Variants in ZSWIM5 observed in about 807,000 individuals in gnomAD.
ZSWIM5 encodes the protein zinc finger SWIM domain-containing protein 5.
In ZSWIM5, 55 loss-of-function variants were observed where a neutral mutation model predicts 119.6. The observed-to-expected ratio is 0.46, with a 90% CI of 0.37 to 0.58. ZSWIM5 has a LOEUF of 0.58. Among genes scored for constraint, ZSWIM5 ranks in the 20% least tolerant of loss-of-function variants. The probability of loss-of-function intolerance (pLI) is 0.00; values close to 1 mark genes in which losing one functional copy is unlikely to be tolerated. For synonymous variants in ZSWIM5, 537 were observed against 606.9 expected, an observed-to-expected ratio of 0.88 and a Z score of 1.69; for missense variants, 1,193 against 1,512.8, an observed-to-expected ratio of 0.79 and a Z score of 3.51.
chr1:45,177,681 G>A (rs533237709), intron 1 of ZSWIM5, among the ~76,000 whole-genome samples: 6 of 152,136 alleles, frequency 3.9e-5, no homozygotes, highest in Admixed American at 3.3e-4. Context: ...ACATCCTTAT[G>A]TTGCCTTACC....
At chr1:45,140,504 TAAGAA>T (rs1645720145) in intron 1 of ZSWIM5, among the ~76,000 whole-genome samples, 3 of 150,040 alleles carry the variant, frequency 2.0e-5, no homozygotes, top group Non-Finnish European at 4.5e-5. Flanking sequence ...GGCAGAAAAA[TAAGAA>T]GAGAACAAAG....
chr1:45,200,252 G>A (rs539827675), intron 1 of ZSWIM5, among the ~76,000 whole-genome samples: 5 of 152,146 alleles, frequency 3.3e-5, no homozygotes, highest in African/African-American at 1.2e-4. Context: ...AAAAACTATC[G>A]CAGAGTAATT....
At chr1:45,042,836 G>T (rs1645024322) in intron 6 of ZSWIM5, among the ~76,000 whole-genome samples, 1 of 152,156 alleles carries the variant, frequency 6.6e-6, no homozygotes, top group Non-Finnish European at 1.5e-5. Flanking sequence ...TAGCATAGGA[G>T]ATTTTAAAAA....
chr1:45,166,761 C>T (rs1220451970), intron 1 of ZSWIM5, among the ~76,000 whole-genome samples: 1 of 152,028 alleles, frequency 6.6e-6, no homozygotes, highest in Non-Finnish European at 1.5e-5. Flanking sequence ...ATCCAACTTA[C>T]AAGGGATGTG....
chr1:45,131,724 CAAAAA>C (rs11336099), intron 1 of ZSWIM5, among the ~76,000 whole-genome samples: 1 of 74,224 alleles, frequency 1.3e-5, no homozygotes. Flanking sequence ...GACTCTGTCT[CAAAAA>C]AAAAAAAAAA....
intron 4 of ZSWIM5, among the ~76,000 whole-genome samples, chr1:45,052,779 C>A (rs1403101510): frequency 3.3e-5 from 5 of 151,288 alleles, no homozygotes; most frequent in South Asian, 2.1e-4. Context: ...AGAAAAAACC[C>A]TCATTTCTAT....
At chr1:45,096,430 CTGTTTGTGTGTG>C (rs1397902142) in intron 1 of ZSWIM5, among the ~76,000 whole-genome samples, 2 of 131,984 alleles carry the variant, frequency 1.5e-5, no homozygotes, top group Non-Finnish European at 3.3e-5. Context: ...TGGTAGATAA[CTGTTTGTGTGTG>C]TGTGTGTGTG....
intron 2 of ZSWIM5, among the ~76,000 whole-genome samples, chr1:45,076,833 G>C (rs1162228617): frequency 6.6e-6 from 1 of 151,532 alleles, no homozygotes; most frequent in African/African-American, 2.4e-5. Context: ...TTTTCAAATA[G>C]CCTGTCTTCA....
chr1:45,204,620 C>G (rs919232430), intron 1 of ZSWIM5, among the ~76,000 whole-genome samples: 1 of 152,096 alleles, frequency 6.6e-6, no homozygotes. Context: ...AAACATTTTT[C>G]AAATGTTTTC....
chr1:45,114,385 TGAA>T (rs1404121338), intron 1 of ZSWIM5, among the ~76,000 whole-genome samples: 3 of 152,058 alleles, frequency 2.0e-5, no homozygotes, highest in African/African-American at 7.2e-5. Flanking sequence ...ATACCAGAGA[TGAA>T]GGACATTTTA....
intron 1 of ZSWIM5, among the ~76,000 whole-genome samples, chr1:45,159,787 C>T (rs1181716614): frequency 6.6e-6 from 1 of 152,078 alleles, no homozygotes; most frequent in Non-Finnish European, 1.5e-5. Context: ...TGGGGTTTCA[C>T]CATGTTGGCC....
At chr1:45,075,595 C>T (rs112126862) in intron 2 of ZSWIM5, among the ~76,000 whole-genome samples, 3,133 of 152,094 alleles carry the variant, frequency 0.021, 115 homozygotes, top group African/African-American at 0.072. Flanking sequence ...CTATGTTTGT[C>T]TTTATAAGTG....
In ZSWIM5 at chr1:45,112,007, A is replaced by T. The variant is rs193021090; in HGVS notation, c.596-23770T>A. Among the ~76,000 whole-genome samples, 266 of 152,332 alleles carry T rather than the reference A, an allele frequency of 1.7e-3. 4 individuals carry two copies. Among genetic ancestry groups the T allele is most frequent in the Middle Eastern group, 6.8e-3 (2 of 294 alleles). On this transcript the variant is annotated intron_variant, in intron 1 of 13. Transcript: ENST00000359600. ...TGGGTTCATATTACAGGATTTTTTT[A>T]AAGCTGATTTATTAAGGTATAATTG...
chr1:45,166,432 C>A (rs535824183), intron 1 of ZSWIM5, among the ~76,000 whole-genome samples: 193 of 152,184 alleles, frequency 1.3e-3, no homozygotes, highest in Non-Finnish European at 1.3e-3. Context: ...CCTCTCTCAC[C>A]ACTCCTATTC....
intron 11 of ZSWIM5, among the ~76,000 whole-genome samples, chr1:45,026,450 T>G (rs1644921432): frequency 6.6e-6 from 1 of 152,144 alleles, no homozygotes. Flanking sequence ...GTTATGCTTT[T>G]CCTGCATTTA....
intron 1 of ZSWIM5, among the ~76,000 whole-genome samples, chr1:45,166,493 A>T (rs1645904535): frequency 6.6e-6 from 1 of 152,092 alleles, no homozygotes; most frequent in African/African-American, 2.4e-5. Context: ...AGAAAGAAAT[A>T]AAGGGTACTC....
At chr1:45,037,779 C>CT (rs1644994037) in intron 8 of ZSWIM5, among the ~76,000 whole-genome samples, 2 of 152,210 alleles carry the variant, frequency 1.3e-5, no homozygotes, top group African/African-American at 4.8e-5. Context: ...CAGTTAAACT[C>CT]TTAACTTTTG....
At chr1:45,138,153 AT>A (rs199625447) in intron 1 of ZSWIM5, among the ~76,000 whole-genome samples, 5 of 151,686 alleles carry the variant, frequency 3.3e-5, no homozygotes, top group East Asian at 1.9e-4. Context: ...TTATACAAGG[AT>A]TTTTTTTTCA....
rs770668459 is a variant in ZSWIM5 at position 45,060,081 on chromosome 1, C to T, written c.1101+18G>A. 5.6e-6 allele frequency: 9 copies of T among 1,613,484 alleles called. No individual in the cohort carries two copies. The South Asian group carries it at 8.8e-5, about 16-fold the overall frequency. ...TCTTTTGTCAACAACAAAAGAAAAA[C>T]ACCTTTTCATATCTTACCTTGGCAA... On this transcript the variant is annotated intron_variant, in intron 3 of 13. Transcript: ENST00000359600.
Sources: allele counts gnomAD v4.1 joint callset (sites outside exome capture counted in the v4.1 genomes callset), GRCh38; gene constraint gnomAD v4.1.1; transcripts MANE v1.5; gene names NCBI Gene and HGNC (gene_info 2026-07-23, HGNC 2026-07-21).